MAML3: variants seen among roughly 807,000 people sequenced by gnomAD.
The protein encoded by MAML3 is mastermind-like protein 3.
MAML3 carries 27 observed loss-of-function variants against 101.9 expected under a neutral mutation model. That is an observed-to-expected ratio of 0.27 (90% confidence interval 0.20 to 0.37). The LOEUF (loss-of-function observed/expected upper bound fraction) is 0.37. Ranked by LOEUF, MAML3 falls within the 10% of genes least tolerant of loss-of-function variation. The pLI is 1.00. For missense variants in MAML3, 1,316 were observed against 1,444.9 expected, an observed-to-expected ratio of 0.91 and a Z score of 1.45; for synonymous variants, 501 against 555.9, an observed-to-expected ratio of 0.90 and a Z score of 1.39.
At chr4:139,752,348 C>T (rs958629640) in intron 2 of MAML3, among the ~76,000 whole-genome samples, 1 of 152,152 alleles carries the variant, frequency 6.6e-6, no homozygotes, top group African/African-American at 2.4e-5. Flanking sequence ...GTTGCATGGG[C>T]GCAGGCCTGG....
chr4:139,799,984 GA>G (rs1472720127), intron 2 of MAML3, among the ~76,000 whole-genome samples: 2 of 152,066 alleles, frequency 1.3e-5, no homozygotes. Context: ...ATAATATCAG[GA>G]AAAAGCTTAA....
At chr4:139,767,640 G>A (rs933905637) in intron 2 of MAML3, among the ~76,000 whole-genome samples, 1 of 152,170 alleles carries the variant, frequency 6.6e-6, no homozygotes. Flanking sequence ...CAGTCTTTAT[G>A]TATTCAGACA....
intron 1 of MAML3, among the ~76,000 whole-genome samples, chr4:140,020,276 G>T (rs1048472442): frequency 2.0e-5 from 3 of 152,134 alleles, no homozygotes; most frequent in African/African-American, 7.2e-5. Context: ...GCAAACAAAA[G>T]ACTCTTTTTC....
intron 1 of MAML3, among the ~76,000 whole-genome samples, chr4:139,940,046 G>A (rs1017721907): frequency 6.6e-6 from 1 of 152,152 alleles, no homozygotes; most frequent in African/African-American, 2.4e-5. Flanking sequence ...TTACAGGAAT[G>A]AGCCACCGCG....
intron 1 of MAML3, among the ~76,000 whole-genome samples, chr4:140,149,939 CTTTTTTTTT>C (rs3051828): frequency 5.4e-5 from 7 of 129,858 alleles, no homozygotes; most frequent in Middle Eastern, 4.2e-3. Flanking sequence ...ATGTTTCTTT[CTTTTTTTTT>C]TTTTTTTTTG....
chr4:140,026,534 C>T (rs1366881226), intron 1 of MAML3, among the ~76,000 whole-genome samples: 1 of 152,112 alleles, frequency 6.6e-6, no homozygotes, highest in African/African-American at 2.4e-5. Flanking sequence ...GATTACAGCC[C>T]TGAGCCACCA....
At chr4:139,800,322 G>T (rs1455654717) in intron 2 of MAML3, among the ~76,000 whole-genome samples, 1 of 152,154 alleles carries the variant, frequency 6.6e-6, no homozygotes, top group Non-Finnish European at 1.5e-5. Context: ...AAGGCAGAGA[G>T]TGTTGCACAG....
At position 140,153,359 on chromosome 4, in the gene MAML3, C is replaced by G; in HGVS notation, c.-32G>C. The G allele has an allele frequency of 2.0e-6, 3 of 1,532,892 alleles. No homozygotes were observed. Among genetic ancestry groups the G allele is most frequent in the Admixed American group, 4.2e-5 (2 of 47,934 alleles). 95.0% of individuals were successfully genotyped at this position (1,532,892 alleles called of 1,614,324 possible). On this transcript the variant is annotated 5_prime_UTR_variant, in exon 1 of 5. Coordinates refer to ENST00000509479, the MANE Select transcript of MAML3 (RefSeq NM_018717.5). ...CCCCGGGCACACTATTTTGGAAGAA[C>G]TTTTTTTATCCACCCCCCTATCAGC...
chr4:139,843,796 T>G (rs1731399909), intron 2 of MAML3, among the ~76,000 whole-genome samples: 1 of 152,164 alleles, frequency 6.6e-6, no homozygotes, highest in Non-Finnish European at 1.5e-5. Context: ...AGCTTCTGTT[T>G]CAAAAAATGA....
Position 140,153,371 on chromosome 4 carries a change from A to T in MAML3, c.-44T>A. On this transcript the variant is annotated 5_prime_UTR_variant, in exon 1 of 5. Coordinates refer to ENST00000509479, the MANE Select transcript of MAML3 (RefSeq NM_018717.5). Reference sequence around the variant, plus strand: ...TATTTTGGAAGAACTTTTTTTATCCACCCCCCTATCAGCCTCCTCCTTGGG... The same window carrying T: ...TATTTTGGAAGAACTTTTTTTATCCTCCCCCCTATCAGCCTCCTCCTTGGG... The T allele has an allele frequency of 6.7e-7, 1 of 1,490,412 alleles. No individual in the cohort carries two copies. The allele number at this position is 1,490,412 out of a possible 1,614,324, so 92.3% of individuals were successfully genotyped here.
At chr4:139,998,410 G>A (rs185147577) in intron 1 of MAML3, among the ~76,000 whole-genome samples, 32 of 152,178 alleles carry the variant, frequency 2.1e-4, no homozygotes, top group Non-Finnish European at 3.5e-4. Context: ...GATTGATTCA[G>A]TATTGTTATA....
chr4:140,090,476 A>T (rs1728024429), intron 1 of MAML3, among the ~76,000 whole-genome samples: 1 of 152,234 alleles, frequency 6.6e-6, no homozygotes, highest in Admixed American at 6.5e-5. Context: ...CTAAGTGCTT[A>T]CCTACAGCTG....
At chr4:139,762,246 G>A (rs955103586) in intron 2 of MAML3, among the ~76,000 whole-genome samples, 2 of 152,148 alleles carry the variant, frequency 1.3e-5, no homozygotes, top group Admixed American at 6.5e-5. Context: ...CTAGCCCAGC[G>A]CCTGGGACAC....
intron 2 of MAML3, chr4:139,888,503 A>G (rs1732384899): frequency 4.6e-5 from 24 of 518,490 alleles, no homozygotes; most frequent in South Asian, 3.4e-4. Context: ...AGGGTAGAAC[A>G]AATGTTATAT....
chr4:139,881,647 T>C (rs570603020), intron 2 of MAML3, among the ~76,000 whole-genome samples: 10 of 152,188 alleles, frequency 6.6e-5, no homozygotes, highest in Non-Finnish European at 1.5e-4. Flanking sequence ...AACAAGCATA[T>C]GAAAAAATAT....
chr4:139,906,619 G>A (rs1401736129), intron 1 of MAML3, among the ~76,000 whole-genome samples: 4 of 152,184 alleles, frequency 2.6e-5, no homozygotes, highest in Non-Finnish European at 4.4e-5. Context: ...CCTAAAACAG[G>A]TTCAGAGTTT....
intron 1 of MAML3, among the ~76,000 whole-genome samples, chr4:140,106,434 C>A (rs1301392277): frequency 6.6e-6 from 1 of 152,152 alleles, no homozygotes; most frequent in Non-Finnish European, 1.5e-5. Flanking sequence ...TTAGAAGCAC[C>A]AATCCAACAG....
At chr4:139,765,640 T>C (rs113415629) in intron 2 of MAML3, among the ~76,000 whole-genome samples, 183 of 152,354 alleles carry the variant, frequency 1.2e-3, no homozygotes, top group African/African-American at 4.2e-3. Context: ...AATCAAATCA[T>C]AGCTTTTTTA....
At chr4:140,050,621 C>T (rs894745446) in intron 1 of MAML3, among the ~76,000 whole-genome samples, 2 of 152,286 alleles carry the variant, frequency 1.3e-5, no homozygotes, top group Middle Eastern at 3.4e-3. Context: ...GGGCTAACAC[C>T]TGGAGAAGGA....
Sources: allele counts gnomAD v4.1 joint callset (sites outside exome capture counted in the v4.1 genomes callset), GRCh38; gene constraint gnomAD v4.1.1; transcripts MANE v1.5; gene names NCBI Gene and HGNC (gene_info 2026-07-23, HGNC 2026-07-21).